Variants in GPC5 observed in about 807,000 individuals in gnomAD.
The protein encoded by GPC5 is glypican-5.
Under a neutral mutation model 53.9 loss-of-function variants are expected in GPC5, and 47 were observed. The ratio of observed to expected loss-of-function variants is 0.87; its 90% CI spans 0.69 to 1.11. The LOEUF is 1.11. GPC5 is among the 50% of genes most tolerant of loss of function. The pLI is 0.00. For missense variants in GPC5, 748 were observed against 713.1 expected (o/e 1.05, Z -0.56); for synonymous variants, 286 against 263.3 (o/e 1.09, Z -0.84).
intron 2 of GPC5, among the ~76,000 whole-genome samples, chr13:91,481,263 C>A (rs1462184927): frequency 1.3e-5 from 2 of 152,176 alleles, no homozygotes; most frequent in African/African-American, 4.8e-5. Context: ...TTCTTGCTCC[C>A]TCCAAGAAAT....
intron 7 of GPC5, among the ~76,000 whole-genome samples, chr13:92,782,084 G>C (rs1594503455): frequency 6.7e-6 from 1 of 149,078 alleles, no homozygotes; most frequent in East Asian, 2.0e-4. Context: ...GGGAAGGGGA[G>C]GGAGAAAGGA....
chr13:91,947,707 A>C (rs1424211679), intron 6 of GPC5, among the ~76,000 whole-genome samples: 4 of 152,184 alleles, frequency 2.6e-5, no homozygotes, highest in Non-Finnish European at 5.9e-5. Flanking sequence ...AGTTAAAATT[A>C]TTTAGTAGAT....
chr13:92,622,513 C>A (rs1026098522), intron 7 of GPC5, among the ~76,000 whole-genome samples: 5 of 152,150 alleles, frequency 3.3e-5, no homozygotes, highest in Non-Finnish European at 7.4e-5. Flanking sequence ...CGAGATGAGG[C>A]ACCCTACTCT....
intron 5 of GPC5, among the ~76,000 whole-genome samples, chr13:91,844,601 C>T (rs1278984492): frequency 2.6e-5 from 4 of 152,204 alleles, no homozygotes; most frequent in African/African-American, 7.2e-5. Flanking sequence ...CAGTTCTCTG[C>T]ATTCAAGGGT....
At chr13:92,093,889 A>C (rs1566431900) in intron 6 of GPC5, among the ~76,000 whole-genome samples, 1 of 152,246 alleles carries the variant, frequency 6.6e-6, no homozygotes. Flanking sequence ...TCAATTGGTT[A>C]GAAAGAATAA....
chr13:92,438,921 C>T (rs1290363982), intron 7 of GPC5, among the ~76,000 whole-genome samples: 2 of 151,964 alleles, frequency 1.3e-5, no homozygotes, highest in East Asian at 3.9e-4. Context: ...ATGAGTGGCT[C>T]CATTTCAAAC....
chr13:92,561,930 G>T (rs1018962740), intron 7 of GPC5, among the ~76,000 whole-genome samples: 2 of 151,972 alleles, frequency 1.3e-5, no homozygotes, highest in Admixed American at 6.6e-5. Flanking sequence ...TGTTGTGACC[G>T]AAGAGATCAA....
intron 6 of GPC5, among the ~76,000 whole-genome samples, chr13:91,953,191 C>CT (rs1244719556): frequency 6.6e-6 from 1 of 152,114 alleles, no homozygotes; most frequent in Non-Finnish European, 1.5e-5. Context: ...AGCAAGCACA[C>CT]TTGGGGTAAG....
chr13:91,732,459 C>T (rs2036721867), intron 4 of GPC5, among the ~76,000 whole-genome samples: 1 of 151,718 alleles, frequency 6.6e-6, no homozygotes, highest in Non-Finnish European at 1.5e-5. Flanking sequence ...AAATTTTCTC[C>T]CATTCTGTAA....
At chr13:92,756,114 T>A (rs1025607109) in intron 7 of GPC5, among the ~76,000 whole-genome samples, 12 of 151,528 alleles carry the variant, frequency 7.9e-5, no homozygotes, top group African/African-American at 2.9e-4. Flanking sequence ...CAGCAGCACA[T>A]CAAAAAGCTT....
chr13:92,152,724 G>A (rs535911470), intron 7 of GPC5, among the ~76,000 whole-genome samples: 105 of 136,560 alleles, frequency 7.7e-4, no homozygotes, highest in Non-Finnish European at 1.4e-3. Flanking sequence ...GGGCGACAGA[G>A]TGAGACTCCA....
At chr13:92,432,540 AT>A (rs35182646) in intron 7 of GPC5, among the ~76,000 whole-genome samples, 2,150 of 133,634 alleles carry the variant, frequency 0.016, 20 homozygotes, top group Middle Eastern at 0.036. Flanking sequence ...ACGCCCGGCT[AT>A]TTTTTTTTTT....
intron 6 of GPC5, among the ~76,000 whole-genome samples, chr13:92,031,994 C>A (rs1366003397): frequency 8.2e-6 from 1 of 122,030 alleles, no homozygotes; most frequent in Non-Finnish European, 1.6e-5. Flanking sequence ...ATATTATATA[C>A]AAATAATTGT....
At chr13:92,776,835 A>G (rs1875827239) in intron 7 of GPC5, among the ~76,000 whole-genome samples, 1 of 151,816 alleles carries the variant, frequency 6.6e-6, no homozygotes. Flanking sequence ...TAGGGTACTC[A>G]CCATCCTTTA....
chr13:91,926,726 T>C (rs777256811), intron 6 of GPC5, among the ~76,000 whole-genome samples: 100 of 152,290 alleles, frequency 6.6e-4, no homozygotes, highest in Non-Finnish European at 1.1e-3. Flanking sequence ...GAGATGGAGA[T>C]TGGGGAGAGT....
chr13:92,702,137 C>A (rs1887767018), intron 7 of GPC5, among the ~76,000 whole-genome samples: 1 of 152,094 alleles, frequency 6.6e-6, no homozygotes, highest in Admixed American at 6.6e-5. Flanking sequence ...TCCTTAGTTA[C>A]CTCCTTTGCT....
intron 7 of GPC5, among the ~76,000 whole-genome samples, chr13:92,405,282 A>G (rs1024055461): frequency 1.3e-5 from 2 of 152,170 alleles, no homozygotes; most frequent in African/African-American, 4.8e-5. Flanking sequence ...CAATGTAGAC[A>G]CACCAATTAA....
chr13:91,668,648 G>C (rs1251216257), intron 2 of GPC5, among the ~76,000 whole-genome samples: 1 of 151,942 alleles, frequency 6.6e-6, no homozygotes, highest in East Asian at 1.9e-4. Context: ...AAAAAAGAAA[G>C]ATACTAGAAT....
chr13:92,705,041 A>G (rs1594437116), intron 7 of GPC5, among the ~76,000 whole-genome samples: 2 of 151,804 alleles, frequency 1.3e-5, no homozygotes, highest in Admixed American at 6.6e-5. Flanking sequence ...GCAAATATGG[A>G]TGTACTAGAA....
Sources: allele counts gnomAD v4.1 joint callset (sites outside exome capture counted in the v4.1 genomes callset), GRCh38; gene constraint gnomAD v4.1.1; transcripts MANE v1.5; gene names NCBI Gene and HGNC (gene_info 2026-07-23, HGNC 2026-07-21).